Variants in NR6A1 observed in about 807,000 individuals in gnomAD.
NR6A1 encodes retinoic acid receptor-related testis-associated receptor.
In NR6A1, 7 loss-of-function variants were observed where a neutral mutation model predicts 59.1. That is an observed-to-expected ratio of 0.12 (90% CI 0.07 to 0.22). NR6A1 has a LOEUF of 0.22. Among genes scored for constraint, NR6A1 ranks in the 10% least tolerant of loss-of-function variants. The pLI is 1.00. For missense variants in NR6A1, 468 were observed against 611.6 expected (o/e 0.77, Z 2.48); for synonymous variants, 243 against 236.1 (o/e 1.03, Z -0.27).
intron 2 of NR6A1, among the ~76,000 whole-genome samples, chr9:124,724,302 CT>C (rs2131103871): frequency 6.6e-6 from 1 of 151,956 alleles, no homozygotes; most frequent in South Asian, 2.1e-4. Flanking sequence ...ATTAGAGATG[CT>C]TCTATTTTCT....
At chr9:124,547,709 C>CCTCACTTGTCA (rs1319555219) in intron 3 of NR6A1, among the ~76,000 whole-genome samples, 2 of 152,012 alleles carry the variant, frequency 1.3e-5, no homozygotes, top group African/African-American at 4.8e-5. Flanking sequence ...TGCATGTATT[C>CCTCACTTGTCA]GTGAGGAAAC....
At chr9:124,695,607 T>A (rs960302548) in intron 2 of NR6A1, among the ~76,000 whole-genome samples, 1 of 152,032 alleles carries the variant, frequency 6.6e-6, no homozygotes, top group Non-Finnish European at 1.5e-5. Flanking sequence ...TGACCTCAAG[T>A]GATCCGCCCG....
intron 2 of NR6A1, among the ~76,000 whole-genome samples, chr9:124,716,874 C>T (rs1020911018): frequency 6.6e-6 from 1 of 152,192 alleles, no homozygotes; most frequent in Non-Finnish European, 1.5e-5. Flanking sequence ...TGGGCTCAAG[C>T]AATCCACCTG....
chr9:124,732,574 G>T (rs899197345), intron 2 of NR6A1, among the ~76,000 whole-genome samples: 2 of 151,922 alleles, frequency 1.3e-5, no homozygotes, highest in South Asian at 4.1e-4. Flanking sequence ...TACTACAAAG[G>T]TTATCAATTA....
chr9:124,707,359 T>C (rs767734912), intron 2 of NR6A1, among the ~76,000 whole-genome samples: 5 of 152,156 alleles, frequency 3.3e-5, no homozygotes, highest in Non-Finnish European at 5.9e-5. Context: ...ATTTCTCTAT[T>C]GAAATTCTCT....
At chr9:124,689,428 A>T (rs532989109) in intron 2 of NR6A1, among the ~76,000 whole-genome samples, 1 of 152,174 alleles carries the variant, frequency 6.6e-6, no homozygotes, top group Non-Finnish European at 1.5e-5. Context: ...AAAAGCAAGA[A>T]GGCCAAAGAA....
chr9:124,588,838 C>A (rs1013218905), intron 2 of NR6A1, among the ~76,000 whole-genome samples: 2 of 144,592 alleles, frequency 1.4e-5, no homozygotes, highest in Non-Finnish European at 3.0e-5. Context: ...GAGAATGGCG[C>A]GAACCCGGGA....
intron 2 of NR6A1, among the ~76,000 whole-genome samples, chr9:124,680,074 GTGTCTGTGTGTA>G (rs1182329029): frequency 6.8e-6 from 1 of 147,706 alleles, no homozygotes; most frequent in African/African-American, 2.7e-5. Flanking sequence ...ATGTGTTTAT[GTGTCTGTGTGTA>G]TGTATGTGTG....
chr9:124,695,941 T>C (rs1838743797), intron 2 of NR6A1, among the ~76,000 whole-genome samples: 1 of 152,164 alleles, frequency 6.6e-6, no homozygotes, highest in Non-Finnish European at 1.5e-5. Flanking sequence ...AATCCAAGTT[T>C]TCTCTTGGAT....
chr9:124,554,497 A>G lies in NR6A1; in HGVS notation c.216T>C (p.Tyr72=). 6.2e-7 allele frequency: 1 copy of G among 1,614,202 alleles called. No individual in the cohort carries two copies. Among genetic ancestry groups the G allele is most frequent in the African/African-American group, 1.3e-5 (1 of 75,046 alleles). ...TGCAGCCCTCACAGGAGATGATCCC[A>G]TAGTGCAAGCCTGTAGCGCGGTCCC... ...ICGDRATGLH[Y]GIISCEGCKG... is the part of the protein sequence containing the mutation. The change falls in exon 3 of 10, where the codon TAT becomes TAC. Residue 72 remains tyrosine, a synonymous_variant. Coordinates refer to ENST00000487099, the MANE Select transcript of NR6A1 (RefSeq NM_033334.4).
At chr9:124,763,951 A>G (rs987644055) in intron 1 of NR6A1, among the ~76,000 whole-genome samples, 7 of 152,142 alleles carry the variant, frequency 4.6e-5, no homozygotes, top group Non-Finnish European at 7.4e-5. Flanking sequence ...TGGGAGACTG[A>G]GGCACGTGGA....
chr9:124,685,140 A>G (rs947049379), intron 2 of NR6A1, among the ~76,000 whole-genome samples: 1 of 152,168 alleles, frequency 6.6e-6, no homozygotes, highest in Non-Finnish European at 1.5e-5. Flanking sequence ...TCATCTGTTA[A>G]ATTAAGATAT....
At chr9:124,544,484 C>G (rs940557357) in intron 3 of NR6A1, among the ~76,000 whole-genome samples, 5 of 152,088 alleles carry the variant, frequency 3.3e-5, no homozygotes, top group African/African-American at 1.2e-4. Context: ...ATACGGGGGG[C>G]ATAGAGAAGA....
chr9:124,547,352 T>C (rs574804605), intron 3 of NR6A1, among the ~76,000 whole-genome samples: 5 of 152,304 alleles, frequency 3.3e-5, no homozygotes, highest in South Asian at 4.2e-4. Context: ...CTAAGCTCCT[T>C]AGCATGGCAT....
intron 7 of NR6A1, among the ~76,000 whole-genome samples, chr9:124,531,649 T>A (rs553868553): frequency 4.6e-5 from 7 of 152,122 alleles, no homozygotes; most frequent in Non-Finnish European, 7.4e-5. Context: ...CAGTCCTACA[T>A]GCACCTCAGA....
chr9:124,546,153 G>A (rs1221080699), intron 3 of NR6A1, among the ~76,000 whole-genome samples: 2 of 152,142 alleles, frequency 1.3e-5, no homozygotes, highest in East Asian at 3.8e-4. Flanking sequence ...CCCACCCAGA[G>A]TAACAAAATA....
At chr9:124,581,971 G>A (rs1834785554) in intron 2 of NR6A1, among the ~76,000 whole-genome samples, 1 of 152,148 alleles carries the variant, frequency 6.6e-6, no homozygotes, top group Non-Finnish European at 1.5e-5. Flanking sequence ...TTATACTTTT[G>A]GTGAGAGTGA....
intron 2 of NR6A1, among the ~76,000 whole-genome samples, chr9:124,706,077 A>G (rs1423890603): frequency 6.6e-6 from 1 of 152,024 alleles, no homozygotes; most frequent in African/African-American, 2.4e-5. Flanking sequence ...CGCCAGCCTG[A>G]TTTTATTTTT....
rs780379141 is a variant in NR6A1, at chr9:124,538,136, G to C, written c.780C>G (p.Ala260=). The change falls in exon 6 of 10, where the codon GCC becomes GCG. Residue 260 remains alanine (A), a synonymous_variant. Coordinates refer to ENST00000487099, the MANE Select transcript of NR6A1 (RefSeq NM_033334.4). ...SYSLIHQLLS[A]EDLEPLGTPM... ...GCGTGCCCAATGGTTCCAGGTCCTC[G>C]GCTGATAACAGCTGGTGAATCAGAC... The C allele has an allele frequency of 1.2e-6, 2 of 1,613,908 alleles. No homozygotes were observed. The highest frequency in any genetic ancestry group is 1.3e-5 in the African/African-American group (1 of 74,922).
Sources: gnomAD v4.1 joint callset for allele counts (sites outside exome capture counted in the v4.1 genomes callset) on GRCh38, gnomAD v4.1.1 for gene constraint, MANE v1.5 for transcripts, NCBI Gene and HGNC (gene_info 2026-07-23, HGNC 2026-07-21) for gene names.